KLHL42: variants seen among roughly 807,000 people sequenced by gnomAD.
KLHL42 encodes the protein kelch like family member 42.
In KLHL42, 27 loss-of-function variants were observed where a neutral mutation model predicts 32.7. The ratio of observed to expected loss-of-function variants is 0.83; its 90% CI spans 0.61 to 1.14. The LOEUF is 1.14. Ranked by LOEUF, KLHL42 falls within the 50% of genes most tolerant of loss-of-function variation. The pLI, the probability that KLHL42 is intolerant of heterozygous loss-of-function variation, is 0.00. For missense variants in KLHL42, 491 were observed against 560.8 expected (o/e 0.88, Z 1.26); for synonymous variants, 267 against 248.2 (o/e 1.08, Z -0.71).
At chr12:27,794,986 G>A (rs2062212413) in intron 2 of KLHL42, among the ~76,000 whole-genome samples, 1 of 151,908 alleles carries the variant, frequency 6.6e-6, no homozygotes, top group African/African-American at 2.4e-5. Context: ...GTGATTATAG[G>A]TTTAGACTAA....
At chr12:27,786,827 A>G (rs2062174168) in intron 1 of KLHL42, among the ~76,000 whole-genome samples, 2 of 144,756 alleles carry the variant, frequency 1.4e-5, no homozygotes, top group Non-Finnish European at 3.0e-5. Context: ...TGTTAACGCT[A>G]TTCTCCTGCC....
Position 27,800,027 on chromosome 12 carries a change from A to G in KLHL42, c.*1861A>G. 1 of 923,558 alleles carries G rather than the reference A, an allele frequency of 1.1e-6. No individual in the cohort carries two copies. The highest frequency in any genetic ancestry group is 1.3e-6 in the Non-Finnish European group (1 of 773,664). The allele number at this position is 923,558 out of a possible 1,614,324, so 57.2% of individuals were successfully genotyped here. ...TGAATTTCCAGTGACCTGTAATTTC[A>G]TTACATATATTTTAAAATCTATTTA... is the stretch of plus-strand genomic sequence containing the variant. On this transcript the variant is annotated 3_prime_UTR_variant, in exon 3 of 3. Transcript: ENST00000381271.
chr12:27,789,207 A>G (rs189227431), intron 1 of KLHL42, among the ~76,000 whole-genome samples: 1 of 152,332 alleles, frequency 6.6e-6, no homozygotes, highest in East Asian at 1.9e-4. Context: ...TTCAGCTCTT[A>G]CTGCATGCCA....
chr12:27,794,866 G>C (rs2062211969), intron 2 of KLHL42, among the ~76,000 whole-genome samples: 1 of 150,400 alleles, frequency 6.6e-6, no homozygotes, highest in Non-Finnish European at 1.5e-5. Context: ...CCTCTCTGGT[G>C]ACTCTCCACT....
At position 27,793,547 on chromosome 12, in the gene KLHL42, T is replaced by TAA. The variant is rs1294299950; in HGVS notation, c.1066+1659_1066+1660dup. Among the ~76,000 whole-genome samples, 15 of 108,920 alleles carry TAA rather than the reference T, an allele frequency of 1.4e-4. 1 individual carries two copies. In the Middle Eastern group the frequency reaches 0.015, roughly 107 times the overall value. The allele number at this position is 108,920 out of a possible 152,430, so 71.5% of individuals were successfully genotyped here. On this transcript the variant is annotated intron_variant, in intron 2 of 2. Coordinates refer to ENST00000381271, the MANE Select transcript of KLHL42 (RefSeq NM_020782.2). ...ACAGAGTGAGACCCAGTCTCTAAAA[T>TAA]AAAAAAAAAAAAAAGAAAAGAAAAA...
chr12:27,799,231 G>A lies in KLHL42; in HGVS notation c.*1065G>A, dbSNP rs1296532716. ...AAGAAGCTGTTACAGAAGTGGAATG[G>A]TTTCTGGTGGTATTTCTGAAGTTAG... On this transcript the variant is annotated 3_prime_UTR_variant, in exon 3 of 3. Transcript: ENST00000381271. 2.0e-5 allele frequency: 3 copies of A among 152,166 alleles called. No homozygotes were observed. Among genetic ancestry groups the A allele is most frequent in the Non-Finnish European group, 2.9e-5 (2 of 68,014 alleles). 9.4% of individuals were successfully genotyped at this position (152,166 alleles called of 1,614,324 possible).
chr12:27,800,106 TGTCC>T lies in KLHL42; in HGVS notation c.*1941_*1944del. ...GAAGAGCTTAACTTTTTAAAGGCTT[TGTCC>T]TATACATTTAGAAGATGAGTCAGTT... is the stretch of plus-strand genomic sequence containing the variant. On this transcript the variant is annotated 3_prime_UTR_variant, in exon 3 of 3. Transcript: ENST00000381271. The T allele has an allele frequency of 5.1e-6, 5 of 984,924 alleles. No homozygotes were observed. Among genetic ancestry groups the T allele is most frequent in the Non-Finnish European group, 6.0e-6 (5 of 829,440 alleles). The allele number at this position is 984,924 out of a possible 1,614,324, so 61.0% of individuals were successfully genotyped here. A position where few individuals can be genotyped will look rare whatever the true frequency, so the allele number is the denominator to read the frequency against.
chr12:27,781,210 C>T lies in KLHL42; in HGVS notation c.872+8C>T, dbSNP rs772500023. 1.2e-6 allele frequency: 2 copies of T among 1,612,854 alleles called. No individual in the cohort carries two copies. The highest frequency in any genetic ancestry group is 1.1e-5 in the South Asian group (1 of 91,012). ...CTCCATGAACCAGAAGAGGTAAGCACCCCGGCAGAGTGCTGCTGCCTTCTC... is the reference window on the plus strand; with the variant it reads ...CTCCATGAACCAGAAGAGGTAAGCATCCCGGCAGAGTGCTGCTGCCTTCTC... On this transcript the variant is annotated splice_region_variant and intron_variant, in intron 1 of 2. Coordinates refer to ENST00000381271, the MANE Select transcript of KLHL42 (RefSeq NM_020782.2).
rs965994775 is a variant in KLHL42 at position 27,780,862 on chromosome 12, G to A, written c.532G>A (p.Asp178Asn). 6.2e-7 allele frequency: 1 copy of A among 1,613,740 alleles called. No individual in the cohort carries two copies. The change falls in exon 1 of 3, where the codon GAT (aspartate) becomes AAT (asparagine). Residue 178 changes from aspartate (D) to asparagine (N), a missense_variant. By Grantham distance (23) the Asp-to-Asn change is conservative. This residue lies in a region of KLHL42 where 248 missense variants were observed against 329.2 expected (regional missense o/e 0.75). Coordinates refer to ENST00000381271, the MANE Select transcript of KLHL42 (RefSeq NM_020782.2). The surrounding 1 kb of genome is among the most constrained non-coding windows in gnomAD (Gnocchi z 8.8). ...GGGGTCTCCTCCCCAAGCTCCAGGG[G>A]ATGTCAGCCTGAAGCAGAGGCTGAG... is the stretch of plus-strand genomic sequence containing the variant. ...LLGSPPQAPGDVSLKQRLREA... is the reference protein window; with the variant it reads ...LLGSPPQAPGNVSLKQRLREA...
intron 1 of KLHL42, among the ~76,000 whole-genome samples, chr12:27,786,791 T>C (rs2062174047): frequency 6.8e-6 from 1 of 147,396 alleles, no homozygotes. Context: ...GGCCCAATCT[T>C]GGCTCACTGC....
At position 27,800,442 on chromosome 12, in the gene KLHL42, C is replaced by A. The variant is rs1372761312; in HGVS notation, c.*2276C>A. On this transcript the variant is annotated 3_prime_UTR_variant, in exon 3 of 3. Coordinates refer to ENST00000381271, the MANE Select transcript of KLHL42 (RefSeq NM_020782.2). ...GATTTTGGTTATTCTGGGCTGCCAG[C>A]AGTACGTGGGAAAGGTGGAATGTGC... 3.3e-6 allele frequency: 3 copies of A among 904,240 alleles called. No individual in the cohort carries two copies. The African/African-American group carries it at 5.4e-5, about 16-fold the overall frequency. 56.0% of individuals were successfully genotyped at this position (904,240 alleles called of 1,614,324 possible). A position where few individuals can be genotyped will look rare whatever the true frequency, so the allele number is the denominator to read the frequency against.
intron 1 of KLHL42, among the ~76,000 whole-genome samples, chr12:27,783,604 C>T (rs987524757): frequency 6.6e-6 from 1 of 151,836 alleles, no homozygotes; most frequent in Non-Finnish European, 1.5e-5. Context: ...TTTTTTGAGA[C>T]GGAGTCTCGC....
intron 1 of KLHL42, among the ~76,000 whole-genome samples, chr12:27,786,440 A>C (rs2062172217): frequency 6.6e-6 from 1 of 152,196 alleles, no homozygotes; most frequent in Non-Finnish European, 1.5e-5. Context: ...ACAAGTAAAA[A>C]TGAAACCTAG....
In KLHL42 at chr12:27,781,073, C is replaced by G. The variant is rs1565480805; in HGVS notation, c.743C>G (p.Ser248Cys). 7 of 1,614,070 alleles carry G rather than the reference C, an allele frequency of 4.3e-6. No homozygotes were observed. Among genetic ancestry groups the G allele is most frequent in the Middle Eastern group, 1.6e-4 (1 of 6,062 alleles). Residue 248 changes from serine (S) to cysteine (C), a missense_variant, in exon 1 of 3, where the codon TCT (serine) becomes TGT (cysteine). Physicochemically the swap from Ser to Cys is moderately radical, Grantham distance 112. Around this residue, in one of 4 missense-constraint regions of KLHL42, gnomAD observed 248 missense variants for 329.2 expected, o/e 0.75. Coordinates refer to ENST00000381271, the MANE Select transcript of KLHL42 (RefSeq NM_020782.2). Reference sequence around the variant, plus strand: ...CTGGTCAATGTCAGGGGCTATGGGTCTGCCATCCTGGACAACTACCTCTTC... The same window carrying G: ...CTGGTCAATGTCAGGGGCTATGGGTGTGCCATCCTGGACAACTACCTCTTC... ...PDLVNVRGYGSAILDNYLFIV... is the reference protein window; with the variant it reads ...PDLVNVRGYGCAILDNYLFIV...
chr12:27,785,834 C>A (rs563685348), intron 1 of KLHL42, among the ~76,000 whole-genome samples: 3 of 152,194 alleles, frequency 2.0e-5, no homozygotes, highest in Admixed American at 1.3e-4. Context: ...TATATTTTTA[C>A]ATTATTGTAA....
At chr12:27,792,537 T>A (rs1255341513) in intron 2 of KLHL42, among the ~76,000 whole-genome samples, 1 of 152,180 alleles carries the variant, frequency 6.6e-6, no homozygotes, top group Non-Finnish European at 1.5e-5. Flanking sequence ...ATTTATTTAT[T>A]TTTTGAGATG....
intron 2 of KLHL42, among the ~76,000 whole-genome samples, chr12:27,793,291 G>A (rs139700215): frequency 0.019 from 2,938 of 152,184 alleles, 84 homozygotes; most frequent in African/African-American, 0.066. Context: ...TGTAGTCCCA[G>A]TTGCTTGGGA....
In KLHL42 at chr12:27,797,982, C is replaced by T. The variant is rs921270848; in HGVS notation, c.1334C>T (p.Ala445Val). Reference protein sequence around the residue: ...TSKSGLNLTCALHNDGIYIMS... With the variant: ...TSKSGLNLTCVLHNDGIYIMS... ...AAATCGGGTCTTAACTTGACTTGTG[C>T]GCTCCATAACGACGGCATCTACATC... The change falls in exon 3 of 3, where the codon GCG (alanine) becomes GTG (valine). Residue 445 changes from alanine (A) to valine (V), a missense_variant. By Grantham distance (64) the Ala-to-Val change is moderately conservative. Transcript: ENST00000381271. 2.6e-6 allele frequency: 2 copies of T among 780,976 alleles called. No individual in the cohort carries two copies. The highest frequency in any genetic ancestry group is 1.7e-5 in the African/African-American group (1 of 59,234). The allele number at this position is 780,976 out of a possible 1,614,324, so 48.4% of individuals were successfully genotyped here. A position where few individuals can be genotyped will look rare whatever the true frequency, so the allele number is the denominator to read the frequency against.
rs1333657322 is a variant in KLHL42 at position 27,802,505 on chromosome 12, TC to T, written c.*4340del. 6.5e-6 allele frequency: 1 copy of T among 152,686 alleles called. No homozygotes were observed. The highest frequency in any genetic ancestry group is 1.5e-5 in the Non-Finnish European group (1 of 68,048). 9.5% of individuals were successfully genotyped at this position (152,686 alleles called of 1,614,324 possible). The stretch of plus-strand genomic sequence containing the variant: ...TTCACATGAGAGATTTTTTTTATTT[TC>T]TCTGTTGACTTAGGAACACATCATA... On this transcript the variant is annotated 3_prime_UTR_variant, in exon 3 of 3. Coordinates refer to ENST00000381271, the MANE Select transcript of KLHL42 (RefSeq NM_020782.2).
Sources: allele counts gnomAD v4.1 joint callset (sites outside exome capture counted in the v4.1 genomes callset), GRCh38; gene constraint gnomAD v4.1.1; regional missense constraint gnomAD v4.1.1; non-coding constraint Gnocchi (gnomAD v3.1); transcripts MANE v1.5; gene names NCBI Gene and HGNC (gene_info 2026-07-23, HGNC 2026-07-21).